The following CACNA1E variants were observed in gnomAD, a reference collection of about 807,000 sequenced individuals.
The protein encoded by CACNA1E is voltage-dependent R-type calcium channel subunit alpha-1E.
A neutral mutation model predicts 259.2 loss-of-function variants in CACNA1E; 40 were observed. The observed-to-expected ratio is 0.15, with a 90% CI of 0.12 to 0.20. The LOEUF is 0.20. Ranked by LOEUF, CACNA1E falls within the 10% of genes least tolerant of loss-of-function variation. The pLI is 1.00. For synonymous variants in CACNA1E, 1,104 were observed against 1,138.5 expected, an observed-to-expected ratio of 0.97 and a Z score of 0.61; for missense variants, 1,874 against 3,040.1, an observed-to-expected ratio of 0.62 and a Z score of 9.02.
At chr1:181,514,724 G>A (rs1666432191) in intron 3 of CACNA1E, among the ~76,000 whole-genome samples, 1 of 152,102 alleles carries the variant, frequency 6.6e-6, no homozygotes, top group Non-Finnish European at 1.5e-5. Context: ...GGAGGGAAGT[G>A]GGTGCTGAGG....
At chr1:181,490,829 A>G (rs1361495980) in intron 1 of CACNA1E, among the ~76,000 whole-genome samples, 1 of 152,134 alleles carries the variant, frequency 6.6e-6, no homozygotes, top group Non-Finnish European at 1.5e-5. Context: ...GTAGCAGGCT[A>G]GAGGGGAAAG....
chr1:181,656,693 C>T (rs1659235594), intron 7 of CACNA1E, among the ~76,000 whole-genome samples: 1 of 152,218 alleles, frequency 6.6e-6, no homozygotes, highest in Non-Finnish European at 1.5e-5. Context: ...TCACCACTCA[C>T]TTTCTGACTC....
At chr1:181,398,013 A>G (rs1448828591) in intron 1 of CACNA1E, among the ~76,000 whole-genome samples, 1 of 152,202 alleles carries the variant, frequency 6.6e-6, no homozygotes, top group Non-Finnish European at 1.5e-5. Context: ...TGCAAATGTC[A>G]CCTTATTAAG....
intron 6 of CACNA1E, among the ~76,000 whole-genome samples, chr1:181,628,027 G>GA (rs1048536893): frequency 2.0e-5 from 3 of 152,100 alleles, no homozygotes; most frequent in African/African-American, 7.2e-5. Context: ...TTTTAAAAGC[G>GA]AAAAAAATCA....
intron 3 of CACNA1E, among the ~76,000 whole-genome samples, chr1:181,570,871 C>T (rs552776815): frequency 5.3e-5 from 8 of 152,220 alleles, no homozygotes; most frequent in Non-Finnish European, 1.2e-4. Context: ...TAACAGGTAA[C>T]GTTCACAGAT....
intron 7 of CACNA1E, among the ~76,000 whole-genome samples, chr1:181,694,180 G>A (rs543674186): frequency 4.6e-5 from 7 of 152,262 alleles, no homozygotes; most frequent in Admixed American, 3.9e-4. Context: ...TGTTTAATTC[G>A]TGAATGCAAT....
intron 1 of CACNA1E, among the ~76,000 whole-genome samples, chr1:181,491,365 C>T (rs1317079742): frequency 1.3e-5 from 2 of 152,196 alleles, no homozygotes; most frequent in Non-Finnish European, 2.9e-5. Context: ...TTACTACCCC[C>T]CACTCCCAGA....
At chr1:181,700,903 C>G (rs952178587) in intron 7 of CACNA1E, among the ~76,000 whole-genome samples, 6 of 152,210 alleles carry the variant, frequency 3.9e-5, no homozygotes, top group Admixed American at 6.5e-5. Flanking sequence ...GGAGCTCCCC[C>G]TGCTCCATTT....
intron 2 of CACNA1E, among the ~76,000 whole-genome samples, chr1:181,475,907 G>A (rs564606737): frequency 6.6e-6 from 1 of 152,154 alleles, no homozygotes; most frequent in Non-Finnish European, 1.5e-5. Flanking sequence ...TGGTGTGGAG[G>A]GGGTAGTTGA....
chr1:181,332,532 G>A (rs541683450), intron 1 of CACNA1E, among the ~76,000 whole-genome samples: 1 of 152,016 alleles, frequency 6.6e-6, no homozygotes, highest in South Asian at 2.1e-4. Flanking sequence ...TCTTTTGTTC[G>A]GCCTATAAAC....
rs143960997 is a variant in CACNA1E at position 181,333,855 on chromosome 1, A to G, written c.-15+15732A>G. 3.4e-3 allele frequency among the ~76,000 whole-genome samples: 513 copies of G among 152,182 alleles called. 3 individuals carry two copies. Among genetic ancestry groups the G allele is most frequent in the African/African-American group, 0.012 (495 of 41,518 alleles). On this transcript the variant is annotated intron_variant, in intron 1 of 11. Transcript: ENST00000524607. ...TATTTAGTAGATATGGGGTTTCATC[A>G]TGTTGGTCAGGCTGGTCTTGAATTC... is the stretch of plus-strand genomic sequence containing the variant.
At chr1:181,398,878 T>G (rs1460946501) in intron 1 of CACNA1E, among the ~76,000 whole-genome samples, 1 of 152,202 alleles carries the variant, frequency 6.6e-6, no homozygotes, top group Non-Finnish European at 1.5e-5. Context: ...AATCAGCCTT[T>G]CAGCTTGAAT....
chr1:181,523,239 C>T (rs1170050444), intron 3 of CACNA1E, among the ~76,000 whole-genome samples: 1 of 152,148 alleles, frequency 6.6e-6, no homozygotes, highest in African/African-American at 2.4e-5. Context: ...GAGGAACTTC[C>T]AATGATTTCC....
chr1:181,686,303 T>TTTTTTTTTTTTTTGTTTG (rs1650560716), intron 7 of CACNA1E, among the ~76,000 whole-genome samples: 1 of 93,104 alleles, frequency 1.1e-5, no homozygotes, highest in Admixed American at 1.2e-4. Context: ...TTTTTTTTTT[T>TTTTTTTTTTTTTTGTTTG]GAGATGGAGT....
intron 7 of CACNA1E, among the ~76,000 whole-genome samples, chr1:181,673,135 C>T (rs1471076847): frequency 2.0e-5 from 3 of 152,164 alleles, no homozygotes; most frequent in Admixed American, 6.5e-5. Context: ...CCATGTAGAA[C>T]GTACCTCAGC....
chr1:181,752,043 T>C (rs1657645647), intron 26 of CACNA1E, 100 bp from the exon 27 acceptor site: 2 of 862,226 alleles, frequency 2.3e-6, no homozygotes, highest in Non-Finnish European at 3.9e-6. Flanking sequence ...CTCCCATACA[T>C]CTCTCCCCTT....
At chr1:181,392,270 C>T (rs145804886) in intron 1 of CACNA1E, among the ~76,000 whole-genome samples, 138 of 152,208 alleles carry the variant, frequency 9.1e-4, no homozygotes, top group African/African-American at 2.5e-3. Flanking sequence ...CTAATTTCAC[C>T]CTCCATGCCT....
At chr1:181,649,115 T>C (rs941547775) in intron 6 of CACNA1E, among the ~76,000 whole-genome samples, 2 of 152,202 alleles carry the variant, frequency 1.3e-5, no homozygotes, top group Non-Finnish European at 2.9e-5. Flanking sequence ...CCTACCTCCC[T>C]TAAAACCCTC....
chr1:181,477,847 C>A (rs895939260), intron 2 of CACNA1E, among the ~76,000 whole-genome samples: 11 of 152,172 alleles, frequency 7.2e-5, no homozygotes, highest in Admixed American at 5.9e-4. Context: ...GAGCTTTATG[C>A]ATATAAACTA....
Sources: allele counts gnomAD v4.1 joint callset (sites outside exome capture counted in the v4.1 genomes callset), GRCh38; gene constraint gnomAD v4.1.1; transcripts MANE v1.5; gene names NCBI Gene and HGNC (gene_info 2026-07-23, HGNC 2026-07-21).